The following KCNH5 variants were observed in gnomAD, a reference collection of about 807,000 sequenced individuals.
KCNH5 encodes the protein voltage-gated delayed rectifier potassium channel KCNH5.
A neutral mutation model predicts 96.1 loss-of-function variants in KCNH5; 46 were observed. That is an observed-to-expected ratio of 0.48 (90% CI 0.38 to 0.61). The LOEUF is 0.61. Among genes scored for constraint, KCNH5 ranks in the 20% least tolerant of loss-of-function variants. KCNH5 has a pLI of 0.00. For synonymous variants in KCNH5, 439 were observed against 449.8 expected (o/e 0.98, Z 0.30); for missense variants, 907 against 1,225.8 (o/e 0.74, Z 3.88).
intron 8 of KCNH5, among the ~76,000 whole-genome samples, chr14:62,838,354 G>T (rs1000657626): frequency 6.6e-6 from 1 of 152,074 alleles, no homozygotes. Context: ...TGGTTTTCAT[G>T]CTGGTTTCTA....
chr14:62,812,073 A>T (rs899616985), intron 8 of KCNH5, among the ~76,000 whole-genome samples: 1 of 152,170 alleles, frequency 6.6e-6, no homozygotes, highest in African/African-American at 2.4e-5. Flanking sequence ...ATTACTAGCA[A>T]AACCCCAAAC....
chr14:62,743,990 C>CA (rs1428147331), intron 10 of KCNH5, among the ~76,000 whole-genome samples: 1 of 152,186 alleles, frequency 6.6e-6, no homozygotes, highest in Non-Finnish European at 1.5e-5. Flanking sequence ...ATTGCTTTAT[C>CA]ATCTATCAGC....
chr14:62,903,760 A>G (rs185516364), intron 7 of KCNH5, among the ~76,000 whole-genome samples: 10 of 152,294 alleles, frequency 6.6e-5, no homozygotes, highest in Non-Finnish European at 1.3e-4. Flanking sequence ...CTAAAGAGAA[A>G]AATAATGAAT....
chr14:62,729,556 A>T (rs1885006687), intron 10 of KCNH5, among the ~76,000 whole-genome samples: 1 of 152,168 alleles, frequency 6.6e-6, no homozygotes, highest in Non-Finnish European at 1.5e-5. Context: ...TGGACTTTGA[A>T]TGAGATACTG....
At chr14:62,865,726 A>G (rs1888122468) in intron 7 of KCNH5, among the ~76,000 whole-genome samples, 1 of 152,146 alleles carries the variant, frequency 6.6e-6, no homozygotes, top group African/African-American at 2.4e-5. Flanking sequence ...ACTGCCCTAC[A>G]TAAAGTGCAA....
At chr14:62,979,115 CAT>C (rs1166146614) in intron 6 of KCNH5, among the ~76,000 whole-genome samples, 1 of 152,160 alleles carries the variant, frequency 6.6e-6, no homozygotes, top group Non-Finnish European at 1.5e-5. Flanking sequence ...CTAGATTCCA[CAT>C]GAGTGATTGC....
rs572740579 is a variant in KCNH5 at position 63,008,662 on chromosome 14, A to C, written c.198-2190T>G. 7.3e-4 allele frequency among the ~76,000 whole-genome samples: 111 copies of C among 152,240 alleles called. 1 individual carries two copies. The highest frequency in any genetic ancestry group is 1.3e-3 in the Non-Finnish European group (89 of 68,010). ...ATAATAAAATAAGTAAAAGGATCTC[A>C]GAATAAAATGACAGACTCTTAATTC... On this transcript the variant is annotated intron_variant, in intron 2 of 10. Coordinates refer to ENST00000322893, the MANE Select transcript of KCNH5 (RefSeq NM_139318.5).
chr14:63,036,347 A>G (rs1448550089), intron 1 of KCNH5, among the ~76,000 whole-genome samples: 1 of 152,206 alleles, frequency 6.6e-6, no homozygotes, highest in African/African-American at 2.4e-5. Context: ...CTCTGCACAC[A>G]GCACTTACAG....
chr14:62,784,641 T>C (rs893443199), intron 9 of KCNH5, among the ~76,000 whole-genome samples: 3 of 152,182 alleles, frequency 2.0e-5, no homozygotes, highest in African/African-American at 4.8e-5. Context: ...GAATAAATAT[T>C]CATTGATTAT....
intron 10 of KCNH5, among the ~76,000 whole-genome samples, chr14:62,732,463 C>A (rs1003748319): frequency 6.6e-6 from 1 of 151,712 alleles, no homozygotes. Context: ...CGGCTTTTAG[C>A]TCCTCTCTCC....
chr14:62,854,516 G>A (rs1172052468), intron 7 of KCNH5, among the ~76,000 whole-genome samples: 3 of 152,048 alleles, frequency 2.0e-5, no homozygotes, highest in Non-Finnish European at 4.4e-5. Flanking sequence ...AAGTTCCATT[G>A]TCATTCATTG....
intron 7 of KCNH5, among the ~76,000 whole-genome samples, chr14:62,919,438 G>A (rs193031991): frequency 3.2e-4 from 49 of 152,228 alleles, no homozygotes; most frequent in Admixed American, 7.9e-4. Context: ...GGGATAAAAC[G>A]AAATTGGAAC....
intron 2 of KCNH5, among the ~76,000 whole-genome samples, chr14:63,015,165 T>G (rs935090992): frequency 1.3e-5 from 2 of 152,068 alleles, no homozygotes; most frequent in African/African-American, 2.4e-5. Flanking sequence ...GAAGAGAATG[T>G]TTGAGCAGAT....
intron 9 of KCNH5, among the ~76,000 whole-genome samples, chr14:62,794,263 A>T (rs1363307619): frequency 1.3e-5 from 2 of 152,028 alleles, no homozygotes; most frequent in Non-Finnish European, 2.9e-5. Context: ...AATCTTTTTT[A>T]AAAAATAAAA....
intron 4 of KCNH5, among the ~76,000 whole-genome samples, chr14:62,991,548 T>G (rs1341236045): frequency 6.6e-6 from 1 of 152,080 alleles, no homozygotes; most frequent in Non-Finnish European, 1.5e-5. Context: ...AGTAATCGTT[T>G]ATGAGTTTTG....
intron 10 of KCNH5, among the ~76,000 whole-genome samples, chr14:62,746,867 C>T (rs1423095893): frequency 6.6e-6 from 1 of 152,188 alleles, no homozygotes; most frequent in African/African-American, 2.4e-5. Context: ...CTATCAGTGG[C>T]CTCTCTTTAT....
intron 7 of KCNH5, among the ~76,000 whole-genome samples, chr14:62,878,827 TCTC>T (rs1334755169): frequency 6.6e-6 from 1 of 152,140 alleles, no homozygotes; most frequent in African/African-American, 2.4e-5. Flanking sequence ...ATGGCTGTCT[TCTC>T]CTTATATCTT....
intron 7 of KCNH5, among the ~76,000 whole-genome samples, chr14:62,939,637 T>G (rs1197972449): frequency 6.6e-6 from 1 of 152,170 alleles, no homozygotes; most frequent in African/African-American, 2.4e-5. Flanking sequence ...TAAAAACATT[T>G]TTTAAAGTTT....
intron 7 of KCNH5, among the ~76,000 whole-genome samples, chr14:62,937,272 C>T (rs1889703019): frequency 6.6e-6 from 1 of 152,126 alleles, no homozygotes; most frequent in South Asian, 2.1e-4. Flanking sequence ...TCCTAACCAC[C>T]ACCATCATCA....
Sources: gnomAD v4.1 joint callset for allele counts (sites outside exome capture counted in the v4.1 genomes callset) on GRCh38, gnomAD v4.1.1 for gene constraint, MANE v1.5 for transcripts, NCBI Gene and HGNC (gene_info 2026-07-23, HGNC 2026-07-21) for gene names.